The following ZNF486 variants were observed in gnomAD, a reference collection of about 807,000 sequenced individuals.
The protein encoded by ZNF486 is KRAB box only protein 2.
In ZNF486, 12 loss-of-function variants were observed where a neutral mutation model predicts 12.8. That is an observed-to-expected ratio of 0.94 (90% CI 0.60 to 1.52). The LOEUF is 1.52. ZNF486 is among the 40% of genes most tolerant of loss of function. The pLI, the probability that ZNF486 is intolerant of heterozygous loss-of-function variation, is 0.00. For synonymous variants in ZNF486, 231 were observed against 184.9 expected, an observed-to-expected ratio of 1.25 and a Z score of -2.02; for missense variants, 738 against 545.0, an observed-to-expected ratio of 1.35 and a Z score of -3.53.
Position 20,200,171 on chromosome 19 carries a change from TTC to T in ZNF486, c.*2071_*2072del, listed in dbSNP as rs1201023469. 1 of 152,080 alleles carries T rather than the reference TTC, an allele frequency of 6.6e-6. No homozygotes were observed. Among genetic ancestry groups the T allele is most frequent in the Non-Finnish European group, 1.5e-5 (1 of 68,038 alleles). 9.4% of individuals were successfully genotyped at this position (152,080 alleles called of 1,614,324 possible). A position where few individuals can be genotyped will look rare whatever the true frequency, so the allele number is the denominator to read the frequency against. On this transcript the variant is annotated 3_prime_UTR_variant, in exon 4 of 4. Coordinates refer to ENST00000335117, the MANE Select transcript of ZNF486 (RefSeq NM_052852.4). ...CAAATTACTTTATGCTGTTATTTTA[TTC>T]TTATTGTATTCACATGTGAAAGCAT...
intron 1 of ZNF486, among the ~76,000 whole-genome samples, chr19:20,167,951 C>T (rs1198211223): frequency 2.0e-5 from 3 of 152,118 alleles, no homozygotes; most frequent in African/African-American, 7.2e-5. Context: ...GCAAATCGCT[C>T]GTTTATCCTA....
Position 20,175,398 on chromosome 19 carries a change from A to G in ZNF486, c.30+8038A>G, listed in dbSNP as rs533077547. 4.0e-4 allele frequency: 56 copies of G among 141,026 alleles called. No individual in the cohort carries two copies. In the Admixed American group the frequency reaches 4.0e-3, roughly 10 times the overall value. 8.7% of individuals were successfully genotyped at this position (141,026 alleles called of 1,614,324 possible). A position where few individuals can be genotyped will look rare whatever the true frequency, so the allele number is the denominator to read the frequency against. On this transcript the variant is annotated intron_variant, in intron 1 of 3. Transcript: ENST00000335117. ...TCGCAGAGGGGGATTTGGCAGGGTCATAGGACAACAGTGGAGGGAAGGTCA... is the reference window on the plus strand; with the variant it reads ...TCGCAGAGGGGGATTTGGCAGGGTCGTAGGACAACAGTGGAGGGAAGGTCA...
At position 20,197,787 on chromosome 19, in the gene ZNF486, C is replaced by A. The variant is rs1555718302; in HGVS notation, c.1077C>A (p.Phe359Leu). Residue 359 changes from phenylalanine (F) to leucine (L), a missense_variant, in exon 4 of 4, where the codon TTC (phenylalanine) becomes TTA (leucine). Transcript: ENST00000335117. ...PYKCEECGKA[F>L]TRSSHLTMHK... Reference sequence around the variant, plus strand: ...AATGTGAAGAATGTGGCAAAGCCTTCACCCGCTCCTCACACCTTACTATGC... The same window carrying A: ...AATGTGAAGAATGTGGCAAAGCCTTAACCCGCTCCTCACACCTTACTATGC... 6.2e-7 allele frequency: 1 copy of A among 1,612,288 alleles called. No homozygotes were observed. The highest frequency in any genetic ancestry group is 1.1e-5 in the South Asian group (1 of 90,974).
intron 1 of ZNF486, 69 bp from the exon 2 acceptor site, chr19:20,184,287 T>A: frequency 6.2e-7 from 1 of 1,601,774 alleles, no homozygotes; most frequent in African/African-American, 1.3e-5. Flanking sequence ...TACTCTCTCA[T>A]TTCACCTTAA....
chr19:20,167,424 A>G (rs1555713179), intron 1 of ZNF486, 64 bp downstream of exon 1: 2 of 1,577,040 alleles, frequency 1.3e-6, no homozygotes. Flanking sequence ...GTGGCTGTGG[A>G]GGGACTCAGG....
At position 20,197,866 on chromosome 19, in the gene ZNF486, G is replaced by A; in HGVS notation, c.1156G>A (p.Ala386Thr). Residue 386 changes from alanine (A) to threonine (T), a missense_variant, in exon 4 of 4, where the codon GCC becomes ACC. By Grantham distance (58) the Ala-to-Thr change is moderately conservative. Coordinates refer to ENST00000335117, the MANE Select transcript of ZNF486 (RefSeq NM_052852.4). ...ATACAAATGTGAAGAATGTGGCAAA[G>A]CCTTTACATGGTCTGCAGGCCTCCA... ...KPYKCEECGK[A>T]FTWSAGLHKH... 2 of 1,613,320 alleles carry A rather than the reference G, an allele frequency of 1.2e-6. No individual in the cohort carries two copies. The highest frequency in any genetic ancestry group is 1.7e-6 in the Non-Finnish European group (2 of 1,179,886).
chr19:20,181,704 C>G (rs559167006), intron 1 of ZNF486, among the ~76,000 whole-genome samples: 4 of 151,048 alleles, frequency 2.6e-5, no homozygotes, highest in East Asian at 2.0e-4. Flanking sequence ...TAAATATGAA[C>G]AGAATAAAAT....
intron 1 of ZNF486, among the ~76,000 whole-genome samples, chr19:20,173,292 T>C (rs1448106609): frequency 6.6e-6 from 1 of 152,214 alleles, no homozygotes; most frequent in Non-Finnish European, 1.5e-5. Context: ...GCTGGCTAGT[T>C]ATTCTAGCAC....
intron 3 of ZNF486, among the ~76,000 whole-genome samples, chr19:20,193,541 A>G (rs1413328436): frequency 6.6e-6 from 1 of 152,062 alleles, no homozygotes; most frequent in Non-Finnish European, 1.5e-5. Flanking sequence ...GGTGCCTATA[A>G]TCCCAGCTCC....
Position 20,199,725 on chromosome 19 carries a change from TTA to T in ZNF486, c.*1625_*1626del, listed in dbSNP as rs1226555428. 6.6e-6 allele frequency: 1 copy of T among 151,516 alleles called. No individual in the cohort carries two copies. The highest frequency in any genetic ancestry group is 1.5e-5 in the Non-Finnish European group (1 of 67,928). The allele number at this position is 151,516 out of a possible 1,614,324, so 9.4% of individuals were successfully genotyped here. On this transcript the variant is annotated 3_prime_UTR_variant, in exon 4 of 4. Transcript: ENST00000335117. ...CTCTGTCTCCAGGAAAAAAAAAAATTTATTTGTGTATAACTTTAAAAGCAGAT... is the reference window on the plus strand; with the variant it reads ...CTCTGTCTCCAGGAAAAAAAAAAATTTTTGTGTATAACTTTAAAAGCAGAT...
chr19:20,191,565 C>T (rs539003962), intron 3 of ZNF486, among the ~76,000 whole-genome samples: 7 of 151,172 alleles, frequency 4.6e-5, no homozygotes, highest in South Asian at 2.1e-4. Context: ...GTCAGGAGAT[C>T]GAGACTCTCC....
At chr19:20,187,674 T>A (rs925654172) in intron 3 of ZNF486, among the ~76,000 whole-genome samples, 56 of 152,050 alleles carry the variant, frequency 3.7e-4, no homozygotes, top group African/African-American at 1.1e-3. Context: ...GCTAATTTTT[T>A]AAAAATTTTT....
chr19:20,193,486 G>A (rs1173853952), intron 3 of ZNF486, among the ~76,000 whole-genome samples: 1 of 151,550 alleles, frequency 6.6e-6, no homozygotes, highest in Admixed American at 6.6e-5. Context: ...ATGGTGAAAC[G>A]CTGTCTCTAC....
rs2089970332 is a variant in ZNF486 at position 20,197,419 on chromosome 19, C to T, written c.709C>T (p.Pro237Ser). The change falls in exon 4 of 4, where the codon CCC becomes TCC. Residue 237 changes from proline (P) to serine (S), a missense_variant. Transcript: ENST00000335117. Reference protein sequence around the residue: ...THKITHTREKPYKCEECGKVF... With the variant: ...THKITHTREKSYKCEECGKVF... ...TAAGATAACTCATACTAGAGAGAAA[C>T]CCTACAAATGTGAAGAATGTGGCAA... 4 of 1,613,458 alleles carry T rather than the reference C, an allele frequency of 2.5e-6. No homozygotes were observed. The highest frequency in any genetic ancestry group is 3.3e-5 in the Admixed American group (2 of 59,956).
At chr19:20,194,854 G>A (rs2089942502) in intron 3 of ZNF486, among the ~76,000 whole-genome samples, 1 of 151,964 alleles carries the variant, frequency 6.6e-6, no homozygotes, top group South Asian at 2.1e-4. Flanking sequence ...ATATGTGTTT[G>A]TTATAAATAT....
chr19:20,180,032 A>G (rs966399185), intron 1 of ZNF486, among the ~76,000 whole-genome samples: 2 of 152,220 alleles, frequency 1.3e-5, no homozygotes, highest in Non-Finnish European at 2.9e-5. Context: ...GTTGTTTTCT[A>G]TTCAGAATCA....
chr19:20,185,025 C>T (rs1555716166), intron 2 of ZNF486, among the ~76,000 whole-genome samples: 1 of 152,078 alleles, frequency 6.6e-6, no homozygotes, highest in Non-Finnish European at 1.5e-5. Context: ...GCAGGAGATT[C>T]CCTTGAACAC....
At chr19:20,167,696 C>T (rs1029604453) in intron 1 of ZNF486, among the ~76,000 whole-genome samples, 1 of 152,082 alleles carries the variant, frequency 6.6e-6, no homozygotes, top group Non-Finnish European at 1.5e-5. Context: ...TGCGGGTTCA[C>T]GATTCGGAAG....
At chr19:20,181,543 C>CAA (rs66504246) in intron 1 of ZNF486, among the ~76,000 whole-genome samples, 2,734 of 127,948 alleles carry the variant, frequency 0.021, 83 homozygotes, top group African/African-American at 0.058. Context: ...TCTCAAAAAA[C>CAA]AAAAAAAAAA....
Sources: allele counts gnomAD v4.1 joint callset (sites outside exome capture counted in the v4.1 genomes callset), GRCh38; gene constraint gnomAD v4.1.1; transcripts MANE v1.5; gene names NCBI Gene and HGNC (gene_info 2026-07-23, HGNC 2026-07-21).